The following CTIF variants were observed in gnomAD, a reference collection of about 807,000 sequenced individuals.
CTIF encodes CBP80/20-dependent translation initiation factor.
CTIF carries 21 observed loss-of-function variants against 66.0 expected under a neutral mutation model. That is an observed-to-expected ratio of 0.32 (90% CI 0.23 to 0.46). The LOEUF is 0.46. CTIF is among the 20% of genes least tolerant of loss of function. The pLI, the probability that CTIF is intolerant of heterozygous loss-of-function variation, is 1.00. For missense variants in CTIF, 739 were observed against 812.7 expected (o/e 0.91, Z 1.10); for synonymous variants, 345 against 326.4 (o/e 1.06, Z -0.62).
In CTIF at chr18:48,710,854, A is replaced by G. The variant is rs117443370; in HGVS notation, c.508-765A>G. 4.3e-3 allele frequency among the ~76,000 whole-genome samples: 651 copies of G among 152,274 alleles called. 9 individuals are homozygous for G. Among genetic ancestry groups the G allele is most frequent in the South Asian group, 7.7e-3 (37 of 4,828 alleles). ...AGGCGTGGTGATGTGTGCCTATGAT[A>G]CTGGCTACACGGGAGGCTGAGGAAG... On this transcript the variant is annotated intron_variant, in intron 6 of 11. Coordinates refer to ENST00000256413, the MANE Select transcript of CTIF (RefSeq NM_014772.3).
intron 3 of CTIF, among the ~76,000 whole-genome samples, chr18:48,659,776 G>A (rs1215614646): frequency 3.3e-5 from 5 of 152,214 alleles, no homozygotes; most frequent in South Asian, 2.1e-4. Context: ...GCCTGGTGCC[G>A]AGTTTTCCAG....
chr18:48,552,665 C>A (rs1043021227), intron 1 of CTIF, among the ~76,000 whole-genome samples: 46 of 152,174 alleles, frequency 3.0e-4, no homozygotes, highest in South Asian at 2.1e-4. Flanking sequence ...CTAATACCAT[C>A]GAGTCAGTGG....
intron 7 of CTIF, among the ~76,000 whole-genome samples, chr18:48,714,775 C>T (rs1598914380): frequency 6.6e-6 from 1 of 152,222 alleles, no homozygotes; most frequent in African/African-American, 2.4e-5. Context: ...GGAATCCCAC[C>T]TCCTCTCCTC....
At chr18:48,598,804 T>C (rs1459940406) in intron 1 of CTIF, among the ~76,000 whole-genome samples, 1 of 152,176 alleles carries the variant, frequency 6.6e-6, no homozygotes, top group Non-Finnish European at 1.5e-5. Context: ...CAAAAGTACT[T>C]TATGGGGACT....
intron 9 of CTIF, among the ~76,000 whole-genome samples, chr18:48,762,613 G>A (rs894882569): frequency 1.3e-5 from 2 of 152,218 alleles, no homozygotes; most frequent in Non-Finnish European, 2.9e-5. Context: ...GTCCAGATGA[G>A]ATAAAATGGT....
intron 6 of CTIF, among the ~76,000 whole-genome samples, chr18:48,672,078 T>G (rs1338666257): frequency 6.8e-6 from 1 of 146,692 alleles, no homozygotes; most frequent in Non-Finnish European, 1.5e-5. Context: ...TGGCTGATAA[T>G]GCTCCTGGCT....
chr18:48,733,488 A>G (rs1011777740), intron 7 of CTIF, among the ~76,000 whole-genome samples: 2 of 152,138 alleles, frequency 1.3e-5, no homozygotes, highest in African/African-American at 4.8e-5. Flanking sequence ...TCAGACACTG[A>G]TGGAGCCATG....
intron 1 of CTIF, chr18:48,565,155 A>G (rs1255273068): frequency 6.6e-6 from 1 of 152,018 alleles, no homozygotes; most frequent in African/African-American, 2.4e-5. Flanking sequence ...TACTGATGTC[A>G]CCGTCTGTGT....
At chr18:48,638,847 GGA>G (rs2090873566) in intron 3 of CTIF, among the ~76,000 whole-genome samples, 1 of 152,276 alleles carries the variant, frequency 6.6e-6, no homozygotes, top group African/African-American at 2.4e-5. Context: ...AGGAGCCCAA[GGA>G]GGGTGGAGGA....
At chr18:48,594,507 T>A (rs1456367499) in intron 1 of CTIF, among the ~76,000 whole-genome samples, 3 of 152,082 alleles carry the variant, frequency 2.0e-5, no homozygotes, top group Non-Finnish European at 2.9e-5. Flanking sequence ...GAGCTGTTTG[T>A]GGGGCCTGGC....
At chr18:48,779,181 G>A (rs1215660937) in intron 9 of CTIF, among the ~76,000 whole-genome samples, 2 of 152,160 alleles carry the variant, frequency 1.3e-5, no homozygotes, top group East Asian at 3.9e-4. Flanking sequence ...TCCTGTCAGG[G>A]GTCCAACAGG....
At chr18:48,544,320 T>A (rs1211978612) in intron 1 of CTIF, among the ~76,000 whole-genome samples, 1 of 152,238 alleles carries the variant, frequency 6.6e-6, no homozygotes, top group Admixed American at 6.5e-5. Flanking sequence ...GTTGTTGTTA[T>A]ACCCATTTTG....
chr18:48,603,499 GTGGATGGA>G (rs1158667685), intron 1 of CTIF, among the ~76,000 whole-genome samples: 4 of 112,936 alleles, frequency 3.5e-5, no homozygotes, highest in South Asian at 3.4e-4. Context: ...GGGTGGGTGG[GTGGATGGA>G]TGGATGGATG....
At chr18:48,641,417 G>A (rs2090928426) in intron 3 of CTIF, among the ~76,000 whole-genome samples, 1 of 152,212 alleles carries the variant, frequency 6.6e-6, no homozygotes, top group Non-Finnish European at 1.5e-5. Context: ...TGAAATCTTT[G>A]CTAGGAACCT....
intron 10 of CTIF, among the ~76,000 whole-genome samples, chr18:48,824,494 G>A (rs9962669): frequency 0.092 from 13,978 of 152,106 alleles, 678 homozygotes; most frequent in Non-Finnish European, 0.11. Flanking sequence ...CCGCCTCTCC[G>A]TGCCTCTGTG....
chr18:48,608,743 C>A (rs1489243044), intron 1 of CTIF, among the ~76,000 whole-genome samples: 2 of 152,220 alleles, frequency 1.3e-5, no homozygotes, highest in Non-Finnish European at 2.9e-5. Context: ...CTGTTCTGGG[C>A]TGTGGACACT....
intron 7 of CTIF, among the ~76,000 whole-genome samples, chr18:48,742,438 A>G (rs2092562724): frequency 6.6e-6 from 1 of 152,200 alleles, no homozygotes. Flanking sequence ...ACCCGCCTCT[A>G]AGAGGCTGAA....
intron 9 of CTIF, among the ~76,000 whole-genome samples, chr18:48,789,980 ATGTCCTAGG>A (rs2067757240): frequency 6.6e-6 from 1 of 152,094 alleles, no homozygotes; most frequent in East Asian, 1.9e-4. Context: ...TCCCCTCTCT[ATGTCCTAGG>A]TGTCTCATCT....
chr18:48,792,028 C>T (rs949073957), intron 9 of CTIF, among the ~76,000 whole-genome samples: 2 of 152,250 alleles, frequency 1.3e-5, no homozygotes, highest in Admixed American at 6.5e-5. Flanking sequence ...ATGGAGCTTA[C>T]ATTCTAGCGA....
Sources: gnomAD v4.1 joint callset for allele counts (sites outside exome capture counted in the v4.1 genomes callset) on GRCh38, gnomAD v4.1.1 for gene constraint, MANE v1.5 for transcripts, NCBI Gene and HGNC (gene_info 2026-07-23, HGNC 2026-07-21) for gene names.